LRP1B: variants seen among roughly 807,000 people sequenced by gnomAD.
LRP1B encodes low-density lipoprotein receptor-related protein 1B.
A neutral mutation model predicts 556.6 loss-of-function variants in LRP1B; 217 were observed. The observed-to-expected ratio is 0.39, with a 90% CI of 0.35 to 0.44. LRP1B has a LOEUF of 0.44. Ranked by LOEUF, LRP1B falls within the 20% of genes least tolerant of loss-of-function variation. LRP1B has a pLI of 1.00. For synonymous variants in LRP1B, 2,047 were observed against 1,865.8 expected (o/e 1.10, Z -2.50); for missense variants, 5,053 against 5,620.8 (o/e 0.90, Z 3.23).
chr2:141,693,422 ATTAG>A (rs1558808623), intron 2 of LRP1B, among the ~76,000 whole-genome samples: 1 of 152,092 alleles, frequency 6.6e-6, no homozygotes. Context: ...TATTAAAGAT[ATTAG>A]TTAATGTTAT....
intron 1 of LRP1B, among the ~76,000 whole-genome samples, chr2:141,963,263 T>A (rs1701453814): frequency 6.6e-6 from 1 of 151,910 alleles, no homozygotes; most frequent in Non-Finnish European, 1.5e-5. Flanking sequence ...TTGTTTCTAC[T>A]TCTCTTTGGA....
At chr2:140,839,250 T>TA (rs1386247000) in intron 31 of LRP1B, among the ~76,000 whole-genome samples, 2 of 152,212 alleles carry the variant, frequency 1.3e-5, no homozygotes, top group Non-Finnish European at 2.9e-5. Context: ...ATTATCATGT[T>TA]AAAAAATTAA....
At chr2:140,334,004 A>G in intron 79 of LRP1B, among the ~76,000 whole-genome samples, 1 of 147,558 alleles carries the variant, frequency 6.8e-6, no homozygotes, top group African/African-American at 2.5e-5. Context: ...GGCAAAAAAA[A>G]CAAAACAAAA....
chr2:140,574,793 G>A (rs1466317013), intron 43 of LRP1B, among the ~76,000 whole-genome samples: 2 of 152,196 alleles, frequency 1.3e-5, no homozygotes, highest in African/African-American at 4.8e-5. Flanking sequence ...AGTGACTTCA[G>A]TATCACTCAA....
At chr2:140,720,322 G>T (rs192822743) in intron 35 of LRP1B, among the ~76,000 whole-genome samples, 1 of 152,034 alleles carries the variant, frequency 6.6e-6, no homozygotes, top group East Asian at 1.9e-4. Flanking sequence ...ATAATTACAG[G>T]ATTGTAAAAT....
chr2:140,431,216 T>G (rs1227779004), intron 66 of LRP1B, among the ~76,000 whole-genome samples: 1 of 152,184 alleles, frequency 6.6e-6, no homozygotes, highest in Non-Finnish European at 1.5e-5. Flanking sequence ...GGACTAATGA[T>G]GTTTTAAAAA....
At chr2:141,454,850 G>A (rs1039445552) in intron 3 of LRP1B, among the ~76,000 whole-genome samples, 1 of 152,144 alleles carries the variant, frequency 6.6e-6, no homozygotes, top group Non-Finnish European at 1.5e-5. Flanking sequence ...TCACTTGATA[G>A]GAGGTCTTTC....
chr2:140,869,363 G>A (rs1264719595), intron 25 of LRP1B, among the ~76,000 whole-genome samples: 2 of 151,956 alleles, frequency 1.3e-5, no homozygotes, highest in African/African-American at 4.8e-5. Context: ...AGCTACATGC[G>A]GCAGGAGGAA....
chr2:142,073,826 CCTCT>C (rs1318076548), intron 1 of LRP1B, among the ~76,000 whole-genome samples: 1 of 151,748 alleles, frequency 6.6e-6, no homozygotes, highest in Admixed American at 6.6e-5. Flanking sequence ...CCACCTCCTT[CCTCT>C]CTCTCTTCCT....
intron 57 of LRP1B, among the ~76,000 whole-genome samples, chr2:140,490,057 G>A (rs557038774): frequency 6.6e-6 from 1 of 152,172 alleles, no homozygotes; most frequent in South Asian, 2.1e-4. Flanking sequence ...CAGGGGCATG[G>A]TCAAAATAAT....
chr2:140,928,946 G>A (rs1017201002), intron 20 of LRP1B, among the ~76,000 whole-genome samples: 1 of 152,116 alleles, frequency 6.6e-6, no homozygotes, highest in African/African-American at 2.4e-5. Flanking sequence ...GTAGGTAGGG[G>A]TGACTCTTGT....
intron 41 of LRP1B, among the ~76,000 whole-genome samples, chr2:140,666,276 A>T (rs1224800653): frequency 2.1e-5 from 3 of 145,552 alleles, no homozygotes; most frequent in East Asian, 2.0e-4. Flanking sequence ...TATAGGCAAA[A>T]TTTTTTAATA....
chr2:141,978,373 A>C (rs202029107), intron 1 of LRP1B, among the ~76,000 whole-genome samples: 1 of 152,104 alleles, frequency 6.6e-6, no homozygotes, highest in East Asian at 1.9e-4. Context: ...ATTTTGGGGT[A>C]GAAGAATATA....
At chr2:141,555,908 C>T (rs1362332925) in intron 2 of LRP1B, among the ~76,000 whole-genome samples, 1 of 151,724 alleles carries the variant, frequency 6.6e-6, no homozygotes, top group Non-Finnish European at 1.5e-5. Context: ...GGTAAGTAAG[C>T]CAGTTTTAAA....
At chr2:142,125,149 G>A (rs1458270640) in intron 1 of LRP1B, among the ~76,000 whole-genome samples, 1 of 151,534 alleles carries the variant, frequency 6.6e-6, no homozygotes, top group African/African-American at 2.4e-5. Context: ...TATGCCAGGG[G>A]AAAAAGGGAG....
intron 3 of LRP1B, among the ~76,000 whole-genome samples, chr2:141,302,475 T>C (rs1389530428): frequency 6.6e-6 from 1 of 152,124 alleles, no homozygotes; most frequent in Admixed American, 6.5e-5. Context: ...TTCTTAACTA[T>C]ATTGAAAATA....
At chr2:141,306,036 G>A (rs1171949767) in intron 3 of LRP1B, among the ~76,000 whole-genome samples, 2 of 152,020 alleles carry the variant, frequency 1.3e-5, no homozygotes, top group Non-Finnish European at 2.9e-5. Context: ...TTAGGAATTG[G>A]CCTGTAGTTT....
intron 1 of LRP1B, among the ~76,000 whole-genome samples, chr2:141,940,274 T>C (rs917363965): frequency 6.6e-6 from 1 of 152,170 alleles, no homozygotes; most frequent in African/African-American, 2.4e-5. Context: ...GCAATGCCAC[T>C]GTACAAAGGT....
At chr2:141,125,848 A>AC (rs1558878092) in intron 7 of LRP1B, among the ~76,000 whole-genome samples, 3 of 147,176 alleles carry the variant, frequency 2.0e-5, no homozygotes, top group Admixed American at 6.7e-5. Context: ...CAAATGCAAA[A>AC]AAAAAAAAAA....
Sources: gnomAD v4.1 joint callset for allele counts (sites outside exome capture counted in the v4.1 genomes callset) on GRCh38, gnomAD v4.1.1 for gene constraint, MANE v1.5 for transcripts, NCBI Gene and HGNC (gene_info 2026-07-23, HGNC 2026-07-21) for gene names.